The following QTMAN variants were observed in gnomAD, a reference collection of about 807,000 sequenced individuals.
QTMAN encodes the protein tRNA-queuosine alpha-mannosyltransferase.
At chr2:144,067,240 C>A in the QTMAN span, among the ~76,000 whole-genome samples, 1 of 152,216 alleles carries the variant, frequency 6.6e-6, no homozygotes, top group African/African-American at 2.4e-5. Context: ...CTATGCCTGG[C>A]AAATTCCAAG....
the QTMAN span, among the ~76,000 whole-genome samples, chr2:144,065,645 C>T: frequency 1.3e-5 from 2 of 152,088 alleles, no homozygotes; most frequent in African/African-American, 4.8e-5. Context: ...TGGTACCTTC[C>T]TTAAACTTTG....
At chr2:144,186,614 C>T in the QTMAN span, among the ~76,000 whole-genome samples, 1 of 152,212 alleles carries the variant, frequency 6.6e-6, no homozygotes, top group Non-Finnish European at 1.5e-5. Flanking sequence ...AGCTGAAAAA[C>T]AAAGCAGAAT....
the QTMAN span, chr2:143,941,989 T>C: frequency 6.4e-6 from 1 of 156,678 alleles, no homozygotes; most frequent in African/African-American, 2.4e-5. Flanking sequence ...TGAAATGATA[T>C]TGAAGACATT....
the QTMAN span, among the ~76,000 whole-genome samples, chr2:144,046,660 G>A: frequency 6.6e-6 from 1 of 152,130 alleles, no homozygotes; most frequent in African/African-American, 2.4e-5. Context: ...GATACAGTAT[G>A]ATTTTAAGAA....
the QTMAN span, among the ~76,000 whole-genome samples, chr2:144,057,953 A>G: frequency 2.0e-5 from 3 of 152,066 alleles, no homozygotes; most frequent in Admixed American, 6.6e-5. Flanking sequence ...TGCTGGGACT[A>G]CAGTTGTGCA....
At chr2:144,105,847 C>A in the QTMAN span, among the ~76,000 whole-genome samples, 2 of 152,072 alleles carry the variant, frequency 1.3e-5, no homozygotes, top group East Asian at 3.8e-4. Flanking sequence ...TTAAGGGCAG[C>A]CAGAGAGAAA....
At chr2:144,229,690 G>T in the QTMAN span, among the ~76,000 whole-genome samples, 1 of 152,046 alleles carries the variant, frequency 6.6e-6, no homozygotes, top group East Asian at 1.9e-4. Context: ...TAGGCGTGGG[G>T]GGAAGAAAGG....
chr2:144,181,273 G>C, the QTMAN span, among the ~76,000 whole-genome samples: 1 of 152,156 alleles, frequency 6.6e-6, no homozygotes, highest in South Asian at 2.1e-4. Context: ...GTGCATTACA[G>C]AATTATTTAA....
chr2:144,043,365 G>A, the QTMAN span, among the ~76,000 whole-genome samples: 1 of 152,102 alleles, frequency 6.6e-6, no homozygotes, highest in African/African-American at 2.4e-5. Context: ...GCTGGGCACA[G>A]TGGCTCACGC....
chr2:143,983,023 CAT>C, the QTMAN span, among the ~76,000 whole-genome samples: 8 of 152,028 alleles, frequency 5.3e-5, no homozygotes, highest in African/African-American at 1.9e-4. Flanking sequence ...AATAAATTCA[CAT>C]ATGACAATTT....
the QTMAN span, among the ~76,000 whole-genome samples, chr2:144,207,682 C>T: frequency 6.6e-6 from 1 of 152,148 alleles, no homozygotes; most frequent in African/African-American, 2.4e-5. Flanking sequence ...TAGTCTTCCA[C>T]GATTTAACCA....
the QTMAN span, among the ~76,000 whole-genome samples, chr2:144,107,458 C>G: frequency 1.4e-4 from 21 of 152,286 alleles, no homozygotes; most frequent in South Asian, 4.1e-3. Flanking sequence ...AAACTACCAT[C>G]AGAGAATACT....
At chr2:144,157,209 C>A in the QTMAN span, among the ~76,000 whole-genome samples, 2 of 152,062 alleles carry the variant, frequency 1.3e-5, no homozygotes, top group Non-Finnish European at 1.5e-5. Context: ...ACAACGTAGA[C>A]AAAGTACTTG....
At chr2:144,269,633 GT>G in the QTMAN span, among the ~76,000 whole-genome samples, 1 of 152,054 alleles carries the variant, frequency 6.6e-6, no homozygotes, top group East Asian at 1.9e-4. Context: ...TATGGAAGGG[GT>G]TCTAATGAAA....
the QTMAN span, among the ~76,000 whole-genome samples, chr2:144,304,670 C>T: frequency 6.6e-6 from 1 of 152,168 alleles, no homozygotes; most frequent in Non-Finnish European, 1.5e-5. Flanking sequence ...GTCTTGTACT[C>T]CTGGCCTCAA....
the QTMAN span, among the ~76,000 whole-genome samples, chr2:144,075,216 C>A: frequency 1.3e-5 from 2 of 152,094 alleles, no homozygotes; most frequent in Admixed American, 1.3e-4. Flanking sequence ...TATGGGAAGT[C>A]AGAACATGTG....
chr2:143,961,253 G>A, the QTMAN span, among the ~76,000 whole-genome samples: 1 of 152,090 alleles, frequency 6.6e-6, no homozygotes, highest in Non-Finnish European at 1.5e-5. Context: ...CTCCTGTTCT[G>A]ATAGGCATTG....
the QTMAN span, among the ~76,000 whole-genome samples, chr2:144,193,199 C>T: frequency 2.6e-5 from 4 of 151,842 alleles, no homozygotes; most frequent in Non-Finnish European, 2.9e-5. Context: ...AACCACTTTC[C>T]ATATTATCTT....
chr2:144,159,789 G>T, the QTMAN span, among the ~76,000 whole-genome samples: 1 of 152,024 alleles, frequency 6.6e-6, no homozygotes, highest in Non-Finnish European at 1.5e-5. Context: ...AAAACAAAAA[G>T]GTTGGCTGAA....
Sources: allele counts gnomAD v4.1 joint callset (sites outside exome capture counted in the v4.1 genomes callset), GRCh38; gene constraint gnomAD v4.1.1; transcripts MANE v1.5; gene names NCBI Gene and HGNC (gene_info 2026-07-23, HGNC 2026-07-21).